The following KCNIP4 variants were observed in gnomAD, a reference collection of about 807,000 sequenced individuals.
KCNIP4 encodes Kv channel-interacting protein 4.
A neutral mutation model predicts 34.0 loss-of-function variants in KCNIP4; 12 were observed. That is an observed-to-expected ratio of 0.35 (90% confidence interval 0.23 to 0.57). The LOEUF (loss-of-function observed/expected upper bound fraction) is 0.57. Among genes scored for constraint, KCNIP4 ranks in the 20% least tolerant of loss-of-function variants. KCNIP4 has a pLI of 0.83. For synonymous variants in KCNIP4, 124 were observed against 102.2 expected, an observed-to-expected ratio of 1.21 and a Z score of -1.29; for missense variants, 238 against 311.7, an observed-to-expected ratio of 0.76 and a Z score of 1.78.
intron 1 of KCNIP4, among the ~76,000 whole-genome samples, chr4:21,008,691 T>C (rs1199865547): frequency 6.6e-6 from 1 of 151,564 alleles, no homozygotes; most frequent in Non-Finnish European, 1.5e-5. Flanking sequence ...GCCCGGCTAA[T>C]TTTTTTGCAT....
intron 1 of KCNIP4, among the ~76,000 whole-genome samples, chr4:21,133,894 A>G (rs1306732310): frequency 6.6e-6 from 1 of 152,214 alleles, no homozygotes; most frequent in East Asian, 1.9e-4. Context: ...GACTGAGGCC[A>G]TTAGTTTCCT....
chr4:21,421,810 G>T (rs1725474760), intron 1 of KCNIP4, among the ~76,000 whole-genome samples: 1 of 152,174 alleles, frequency 6.6e-6, no homozygotes, highest in African/African-American at 2.4e-5. Flanking sequence ...TAGCTTGATT[G>T]TGTTAATTAT....
intron 1 of KCNIP4, among the ~76,000 whole-genome samples, chr4:21,143,070 CT>C (rs2109217097): frequency 6.6e-6 from 1 of 152,248 alleles, no homozygotes; most frequent in South Asian, 2.1e-4. Flanking sequence ...CTCAAGATAG[CT>C]CCCCCAACAT....
At chr4:21,757,753 C>T (rs907059012) in intron 1 of KCNIP4, among the ~76,000 whole-genome samples, 2 of 152,158 alleles carry the variant, frequency 1.3e-5, no homozygotes, top group Non-Finnish European at 2.9e-5. Context: ...AATAAGTGTT[C>T]ATTGAATTTA....
At chr4:21,635,216 CA>C (rs1259560758) in intron 1 of KCNIP4, among the ~76,000 whole-genome samples, 2 of 152,102 alleles carry the variant, frequency 1.3e-5, no homozygotes, top group African/African-American at 2.4e-5. Context: ...GTAGATTTTC[CA>C]CTCTTGGAAA....
chr4:21,207,431 T>C (rs1756925426), intron 1 of KCNIP4, among the ~76,000 whole-genome samples: 1 of 152,254 alleles, frequency 6.6e-6, no homozygotes, highest in Non-Finnish European at 1.5e-5. Flanking sequence ...TAAGCTTTGC[T>C]AAATTTTCTG....
rs529320214 is a variant in KCNIP4 at position 21,344,869 on chromosome 4, A to C, written c.62-462160T>G. On this transcript the variant is annotated intron_variant, in intron 1 of 8. Transcript: ENST00000382152. Reference sequence around the variant, plus strand: ...TGACTCCTATGTTAGTGCTCTCTTCAAATATTGACATACACAGAGGCATAG... The same window carrying C: ...TGACTCCTATGTTAGTGCTCTCTTCCAATATTGACATACACAGAGGCATAG... Among the ~76,000 whole-genome samples the C allele has an allele frequency of 1.3e-3, 201 of 152,314 alleles. 1 individual carries two copies. Among genetic ancestry groups the C allele is most frequent in the African/African-American group, 4.6e-3 (190 of 41,576 alleles).
At chr4:20,862,533 C>T (rs1434515423) in intron 2 of KCNIP4, among the ~76,000 whole-genome samples, 1 of 151,984 alleles carries the variant, frequency 6.6e-6, no homozygotes, top group Non-Finnish European at 1.5e-5. Context: ...TTTTAAAAAG[C>T]AATGGTATGT....
chr4:21,584,375 T>C (rs1377073247), intron 1 of KCNIP4, among the ~76,000 whole-genome samples: 1 of 152,058 alleles, frequency 6.6e-6, no homozygotes, highest in Non-Finnish European at 1.5e-5. Flanking sequence ...TAAATTATAG[T>C]ACAAATTTAC....
At chr4:21,294,828 T>C (rs915053317) in intron 1 of KCNIP4, among the ~76,000 whole-genome samples, 2 of 152,206 alleles carry the variant, frequency 1.3e-5, no homozygotes, top group Non-Finnish European at 2.9e-5. Flanking sequence ...GGGATATTAA[T>C]GTATCATTCA....
intron 1 of KCNIP4, among the ~76,000 whole-genome samples, chr4:21,398,321 T>C (rs1310606427): frequency 6.6e-6 from 1 of 152,170 alleles, no homozygotes; most frequent in Non-Finnish European, 1.5e-5. Context: ...TACGTTAAAA[T>C]TGAACTTAAT....
intron 1 of KCNIP4, among the ~76,000 whole-genome samples, chr4:21,538,698 C>T (rs371103456): frequency 2.3e-4 from 35 of 152,302 alleles, no homozygotes; most frequent in African/African-American, 7.9e-4. Context: ...ATGGAGCACA[C>T]ATTACCCAGT....
chr4:21,408,601 T>A (rs977046315), intron 1 of KCNIP4, among the ~76,000 whole-genome samples: 4 of 152,244 alleles, frequency 2.6e-5, no homozygotes, highest in Non-Finnish European at 4.4e-5. Flanking sequence ...TTGTTTCAAT[T>A]CAATGGTTTC....
At chr4:21,226,027 C>T (rs1758355347) in intron 1 of KCNIP4, among the ~76,000 whole-genome samples, 1 of 151,578 alleles carries the variant, frequency 6.6e-6, no homozygotes, top group African/African-American at 2.4e-5. Flanking sequence ...TGCTAAGCAC[C>T]CCAGGTGGAT....
At position 21,798,577 on chromosome 4, in the gene KCNIP4, A is replaced by G. The variant is rs111684229; in HGVS notation, c.61+149994T>C. On this transcript the variant is annotated intron_variant, in intron 1 of 8. Transcript: ENST00000382152. ...GAGAGAAAGAAAAAGAAAGAAAGAA[A>G]GAAAGAAAGAGAAAAAATGCAAAGA... Among the ~76,000 whole-genome samples the G allele has an allele frequency of 3.4e-3, 404 of 118,018 alleles. 2 individuals carry two copies. Among genetic ancestry groups the G allele is most frequent in the African/African-American group, 0.01 (384 of 36,808 alleles). 77.4% of individuals were successfully genotyped at this position (118,018 alleles called of 152,430 possible).
intron 1 of KCNIP4, among the ~76,000 whole-genome samples, chr4:21,153,350 G>T (rs1259158565): frequency 6.6e-6 from 1 of 151,816 alleles, no homozygotes; most frequent in African/African-American, 2.4e-5. Context: ...TGTATTTTCA[G>T]TGTTATTTTA....
At chr4:21,229,475 T>A (rs987030736) in intron 1 of KCNIP4, among the ~76,000 whole-genome samples, 5 of 152,194 alleles carry the variant, frequency 3.3e-5, no homozygotes, top group Non-Finnish European at 7.3e-5. Flanking sequence ...CCCTGTTAAT[T>A]TGATTATTTA....
chr4:21,174,635 C>T (rs1160945219), intron 1 of KCNIP4, among the ~76,000 whole-genome samples: 2 of 152,176 alleles, frequency 1.3e-5, no homozygotes, highest in Admixed American at 6.5e-5. Flanking sequence ...CGCAGTGGCT[C>T]ATGCCTATAA....
intron 1 of KCNIP4, among the ~76,000 whole-genome samples, chr4:21,321,536 T>C (rs1323996913): frequency 6.6e-6 from 1 of 151,814 alleles, no homozygotes; most frequent in African/African-American, 2.4e-5. Flanking sequence ...GAAGAAGGCT[T>C]TTGGCAAAAG....
Sources: allele counts gnomAD v4.1 joint callset (sites outside exome capture counted in the v4.1 genomes callset), GRCh38; gene constraint gnomAD v4.1.1; transcripts MANE v1.5; gene names NCBI Gene and HGNC (gene_info 2026-07-23, HGNC 2026-07-21).